The following SKAP1 variants were observed in gnomAD, a reference collection of about 807,000 sequenced individuals.
SKAP1 encodes the protein src kinase associated phosphoprotein 1.
In SKAP1, 44 loss-of-function variants were observed where a neutral mutation model predicts 58.5. The ratio of observed to expected loss-of-function variants is 0.75; its 90% CI spans 0.59 to 0.97. The LOEUF is 0.97. SKAP1 is among the 50% of genes least tolerant of loss of function. The pLI is 0.00. For synonymous variants in SKAP1, 127 were observed against 149.7 expected (o/e 0.85, Z 1.11); for missense variants, 390 against 435.2 (o/e 0.90, Z 0.92).
intron 4 of SKAP1, among the ~76,000 whole-genome samples, chr17:48,202,278 G>A (rs529832510): frequency 4.6e-4 from 70 of 152,156 alleles, no homozygotes; most frequent in Non-Finnish European, 8.5e-4. Flanking sequence ...GTGATTCTCT[G>A]GGGGTATTTC....
At chr17:48,199,023 C>T (rs1269396843) in intron 4 of SKAP1, among the ~76,000 whole-genome samples, 2 of 152,208 alleles carry the variant, frequency 1.3e-5, no homozygotes, top group African/African-American at 4.8e-5. Context: ...ATTATACATG[C>T]ATCACTTGAG....
chr17:48,136,915 C>T lies in SKAP1; in HGVS notation c.*7+314G>A, dbSNP rs150970139. On this transcript the variant is annotated intron_variant, in intron 12 of 12. Coordinates refer to ENST00000336915, the MANE Select transcript of SKAP1 (RefSeq NM_003726.4). ...AACTCCTGACCTCAGGTGATCTGCCCACCTCGGCCTCCTAAAGTGCTGGGA... is the reference window on the plus strand; with the variant it reads ...AACTCCTGACCTCAGGTGATCTGCCTACCTCGGCCTCCTAAAGTGCTGGGA... The T allele has an allele frequency of 2.9e-3, 589 of 203,568 alleles. 2 individuals are homozygous for T. Among genetic ancestry groups the T allele is most frequent in the African/African-American group, 0.013 (567 of 42,980 alleles). The allele number at this position is 203,568 out of a possible 1,614,324, so 12.6% of individuals were successfully genotyped here. A position where few individuals can be genotyped will look rare whatever the true frequency, so the allele number is the denominator to read the frequency against.
chr17:48,181,892 C>A (rs12948653), intron 8 of SKAP1, among the ~76,000 whole-genome samples: 34,223 of 152,038 alleles, frequency 0.23, 4,120 homozygotes, highest in Admixed American at 0.33. Context: ...CTTCCCATCC[C>A]AAAGCAAGGA....
chr17:48,337,435 C>G (rs1169848249), intron 4 of SKAP1, among the ~76,000 whole-genome samples: 4 of 152,118 alleles, frequency 2.6e-5, no homozygotes, highest in Non-Finnish European at 5.9e-5. Flanking sequence ...CAGGAAGATT[C>G]CTTTGCTCAC....
Position 48,163,512 on chromosome 17 carries a change from C to T in SKAP1, c.878-943G>A, listed in dbSNP as rs372326155. Among the ~76,000 whole-genome samples the T allele has an allele frequency of 2.2e-4, 34 of 152,272 alleles. No individual in the cohort carries two copies. In the East Asian group the frequency reaches 3.7e-3, roughly 16 times the overall value. On this transcript the variant is annotated intron_variant, in intron 10 of 12. Coordinates refer to ENST00000336915, the MANE Select transcript of SKAP1 (RefSeq NM_003726.4). ...GCAGGAGAGCTAATGCCCACTAGAC[C>T]AGGCATGCTCCTTTTTCCTTGGGGT...
rs371608998 is a variant in SKAP1 at position 48,226,347 on chromosome 17, GT to G, written c.281-36848del. On this transcript the variant is annotated intron_variant, in intron 4 of 12. Coordinates refer to ENST00000336915, the MANE Select transcript of SKAP1 (RefSeq NM_003726.4). ...TTGTAATCCACTTCCCCCAAGATAC[GT>G]TTTTTTTTTCCTTCTTAATCATAAA... Among the ~76,000 whole-genome samples, 923 of 148,868 alleles carry G rather than the reference GT, an allele frequency of 6.2e-3. 10 individuals are homozygous for G. Among genetic ancestry groups the G allele is most frequent in the African/African-American group, 0.018 (728 of 40,612 alleles).
intron 2 of SKAP1, among the ~76,000 whole-genome samples, chr17:48,391,558 A>G (rs2067345243): frequency 6.6e-6 from 1 of 152,244 alleles, no homozygotes; most frequent in South Asian, 2.1e-4. Context: ...TCCACTGAAT[A>G]ACAGAGAACT....
chr17:48,186,039 A>G (rs543504715), intron 6 of SKAP1: 1 of 152,218 alleles, frequency 6.6e-6, no homozygotes, highest in South Asian at 2.1e-4. Context: ...AAGATTCTGA[A>G]TGAACAGATG....
chr17:48,310,728 G>A (rs2066211253), intron 4 of SKAP1, among the ~76,000 whole-genome samples: 1 of 151,002 alleles, frequency 6.6e-6, no homozygotes, highest in Admixed American at 6.6e-5. Context: ...AAAGGCAAGA[G>A]AAAAAAATAT....
intron 4 of SKAP1, among the ~76,000 whole-genome samples, chr17:48,233,617 G>A (rs1172775171): frequency 1.3e-5 from 2 of 152,164 alleles, no homozygotes; most frequent in African/African-American, 4.8e-5. Flanking sequence ...CACTTTGGGA[G>A]GTCGAGGTGG....
intron 2 of SKAP1, among the ~76,000 whole-genome samples, chr17:48,379,176 A>G (rs895439508): frequency 1.3e-5 from 2 of 152,244 alleles, no homozygotes; most frequent in African/African-American, 4.8e-5. Context: ...AAGACAAACC[A>G]CAAAATGACC....
intron 2 of SKAP1, among the ~76,000 whole-genome samples, chr17:48,367,659 T>C (rs749398836): frequency 2.7e-5 from 4 of 149,918 alleles, no homozygotes; most frequent in African/African-American, 4.9e-5. Context: ...GGCTCACACC[T>C]GTAATCCCAG....
intron 2 of SKAP1, among the ~76,000 whole-genome samples, chr17:48,390,892 T>C (rs1013035137): frequency 3.3e-5 from 5 of 152,148 alleles, no homozygotes; most frequent in African/African-American, 1.2e-4. Context: ...CTGGCCAACA[T>C]GGTGAAACCC....
At chr17:48,336,171 A>T (rs946445266) in intron 4 of SKAP1, among the ~76,000 whole-genome samples, 6 of 152,178 alleles carry the variant, frequency 3.9e-5, no homozygotes, top group South Asian at 2.1e-4. Flanking sequence ...AGGCCATAAT[A>T]CATTAAAGCA....
intron 7 of SKAP1, among the ~76,000 whole-genome samples, chr17:48,184,484 A>T (rs2064417315): frequency 6.6e-6 from 1 of 152,156 alleles, no homozygotes; most frequent in Non-Finnish European, 1.5e-5. Flanking sequence ...TGAAATTGAG[A>T]AGGGGAGGAA....
intron 2 of SKAP1, among the ~76,000 whole-genome samples, chr17:48,393,978 G>A (rs574453194): frequency 1.1e-3 from 165 of 152,270 alleles, no homozygotes; most frequent in African/African-American, 3.8e-3. Context: ...ACTCAGGCCT[G>A]TAATCTCAGC....
chr17:48,340,777 A>T (rs920825161), intron 4 of SKAP1, among the ~76,000 whole-genome samples: 1 of 152,248 alleles, frequency 6.6e-6, no homozygotes, highest in Non-Finnish European at 1.5e-5. Flanking sequence ...ATGATAAAAC[A>T]CTTAGAATAA....
intron 4 of SKAP1, among the ~76,000 whole-genome samples, chr17:48,232,975 C>T (rs952964942): frequency 1.3e-4 from 20 of 152,144 alleles, no homozygotes; most frequent in African/African-American, 4.8e-4. Context: ...ACAGATTATC[C>T]AGAATCAGAA....
intron 9 of SKAP1, among the ~76,000 whole-genome samples, chr17:48,171,695 T>G (rs1456344160): frequency 6.6e-6 from 1 of 151,768 alleles, no homozygotes; most frequent in African/African-American, 2.4e-5. Flanking sequence ...TATGCAAGCA[T>G]TCTCTCTAGT....
Sources: gnomAD v4.1 joint callset for allele counts (sites outside exome capture counted in the v4.1 genomes callset) on GRCh38, gnomAD v4.1.1 for gene constraint, MANE v1.5 for transcripts, NCBI Gene and HGNC (gene_info 2026-07-23, HGNC 2026-07-21) for gene names.